The following RAPGEF1 variants were observed in gnomAD, a reference collection of about 807,000 sequenced individuals.
The protein encoded by RAPGEF1 is Rap guanine nucleotide exchange factor 1, also known as CRK SH3-binding GNRP.
RAPGEF1 carries 33 observed loss-of-function variants against 143.3 expected under a neutral mutation model. The ratio of observed to expected loss-of-function variants is 0.23; its 90% CI spans 0.17 to 0.31. The LOEUF is 0.31. Ranked by LOEUF, RAPGEF1 falls within the 10% of genes least tolerant of loss-of-function variation. The pLI is 1.00. For missense variants in RAPGEF1, 1,199 were observed against 1,645.4 expected, an observed-to-expected ratio of 0.73 and a Z score of 4.69; for synonymous variants, 629 against 676.5, an observed-to-expected ratio of 0.93 and a Z score of 1.09.
At chr9:131,725,244 C>T (rs1192924269) in intron 1 of RAPGEF1, 4 of 152,210 alleles carry the variant, frequency 2.6e-5, no homozygotes, top group African/African-American at 7.2e-5. Flanking sequence ...CTGATCAGCA[C>T]AGGAGTTTTG....
In RAPGEF1 at chr9:131,621,834, C is replaced by T. The variant is rs1321952000; in HGVS notation, c.1867G>A (p.Ala623Thr). Reference sequence around the variant, plus strand: ...TTGGGGGGTAGGGCGGGCGGCGGGGCCAGCTCCTGCACGGAGTCCACCCCA... The same window carrying T: ...TTGGGGGGTAGGGCGGGCGGCGGGGTCAGCTCCTGCACGGAGTCCACCCCA... Reference protein sequence around the residue: ...FSGVDSVQELAPPPALPPKQR... With the variant: ...FSGVDSVQELTPPPALPPKQR... Residue 623 changes from alanine to threonine, a missense_variant, in exon 11 of 27, where the codon GCC (alanine) becomes ACC (threonine). Around this residue, in one of 6 missense-constraint regions of RAPGEF1, gnomAD observed 293 missense variants for 356.2 expected, o/e 0.82. Transcript: ENST00000683357. This position sits in a 1 kb window ranked among gnomAD's most constrained non-coding sequence, Gnocchi z 4.5. 6 of 1,610,428 alleles carry T rather than the reference C, an allele frequency of 3.7e-6. No homozygotes were observed. The highest frequency in any genetic ancestry group is 5.1e-6 in the Non-Finnish European group (6 of 1,178,534).
chr9:131,671,397 C>T (rs978774510), intron 1 of RAPGEF1, among the ~76,000 whole-genome samples: 2 of 152,228 alleles, frequency 1.3e-5, no homozygotes, highest in African/African-American at 4.8e-5. Flanking sequence ...AATCAGAACA[C>T]ACCTTCCCCT....
At chr9:131,734,768 T>C (rs1035726614) in intron 1 of RAPGEF1, among the ~76,000 whole-genome samples, 5 of 152,228 alleles carry the variant, frequency 3.3e-5, no homozygotes, top group African/African-American at 4.8e-5. Flanking sequence ...AGAAAATATA[T>C]CATGACAAAA....
At chr9:131,637,240 AAAG>A (rs1431231724) in intron 5 of RAPGEF1, among the ~76,000 whole-genome samples, 1 of 152,006 alleles carries the variant, frequency 6.6e-6, no homozygotes, top group African/African-American at 2.4e-5. Flanking sequence ...AAAAAAAAAA[AAAG>A]GAGAACATGG....
Position 131,603,951 on chromosome 9 carries a change from G to C in RAPGEF1, c.2412+10C>G. ...AGGCCACATGCAGGAGGCCGCCCGA[G>C]GTTACTTACTCCTCGAGAGGGAGCC... On this transcript the variant is annotated intron_variant, in intron 14 of 26. Transcript: ENST00000683357. 7.6e-7 allele frequency: 1 copy of C among 1,312,540 alleles called. No individual in the cohort carries two copies. The highest frequency in any genetic ancestry group is 1.2e-5 in the South Asian group (1 of 82,046). 81.3% of individuals were successfully genotyped at this position (1,312,540 alleles called of 1,614,324 possible).
At chr9:131,595,157 G>C (rs930105017) in intron 17 of RAPGEF1, among the ~76,000 whole-genome samples, 4 of 152,244 alleles carry the variant, frequency 2.6e-5, no homozygotes, top group Non-Finnish European at 4.4e-5. Context: ...CGAGAAGCCC[G>C]GGGACTGCCC....
At chr9:131,683,320 A>G (rs1443586326) in intron 1 of RAPGEF1, among the ~76,000 whole-genome samples, 1 of 152,266 alleles carries the variant, frequency 6.6e-6, no homozygotes, top group Non-Finnish European at 1.5e-5. Context: ...TGGAGGCTTT[A>G]GAGAAATTAG....
intron 1 of RAPGEF1, among the ~76,000 whole-genome samples, chr9:131,684,947 G>A (rs1833215380): frequency 6.6e-6 from 1 of 152,220 alleles, no homozygotes; most frequent in Non-Finnish European, 1.5e-5. Context: ...CCCACCTGGG[G>A]ACAGATCAAG....
Position 131,650,214 on chromosome 9 carries a change from C to T in RAPGEF1, c.230G>A (p.Gly77Asp). ...KEATDRFLPE[G>D]YPLPLDLEQQ... ...CTCCAGATCCAAGGGGAGAGGGTAG[C>T]CCTCTGGTAGAAATCTGTCTGTTGC... Residue 77 changes from glycine to aspartate, a missense_variant, in exon 3 of 27, where the codon GGC becomes GAC. Gly to Asp is a moderately conservative substitution (Grantham distance 94). Transcript: ENST00000683357. The surrounding 1 kb of genome is among the most constrained non-coding windows in gnomAD (Gnocchi z 4.7). The T allele has an allele frequency of 6.2e-7, 1 of 1,613,734 alleles. No homozygotes were observed. The highest frequency in any genetic ancestry group is 8.5e-7 in the Non-Finnish European group (1 of 1,179,738).
At chr9:131,676,954 T>TA (rs1252186781) in intron 1 of RAPGEF1, among the ~76,000 whole-genome samples, 1 of 152,230 alleles carries the variant, frequency 6.6e-6, no homozygotes, top group Non-Finnish European at 1.5e-5. Flanking sequence ...CAATCTGTTT[T>TA]AACAAGCTCT....
intron 3 of RAPGEF1, among the ~76,000 whole-genome samples, chr9:131,649,665 G>C (rs1970589815): frequency 6.6e-6 from 1 of 152,190 alleles, no homozygotes; most frequent in Non-Finnish European, 1.5e-5. Flanking sequence ...AAATGTTAGG[G>C]ACACAGGTGT....
intron 1 of RAPGEF1, among the ~76,000 whole-genome samples, chr9:131,697,935 C>G (rs1834315670): frequency 1.3e-5 from 2 of 152,098 alleles, no homozygotes; most frequent in African/African-American, 4.8e-5. Flanking sequence ...TAAAGGCAGA[C>G]AGAGGAAGTC....
intron 16 of RAPGEF1, among the ~76,000 whole-genome samples, 181 bp downstream of exon 16, chr9:131,598,018 A>G (rs1269376012): frequency 6.6e-6 from 1 of 152,142 alleles, no homozygotes; most frequent in African/African-American, 2.4e-5. Context: ...GAGACAGCAC[A>G]CTTCCCCTGG....
chr9:131,605,094 GGA>G lies in RAPGEF1; in HGVS notation c.2154_2155del (p.Pro719ThrfsTer12). ...AGACTGGTGGGCAGGTGGGAAATGT[GGA>G]GAGGAAGAGGAGGTAGGCGGAAGGA... On this transcript the variant is annotated frameshift_variant, in exon 13 of 27. Transcript: ENST00000683357. LOFTEE classifies it high-confidence loss of function. The G allele has an allele frequency of 7.3e-7, 1 of 1,365,300 alleles. No individual in the cohort carries two copies. 84.6% of individuals were successfully genotyped at this position (1,365,300 alleles called of 1,614,324 possible).
intron 16 of RAPGEF1, among the ~76,000 whole-genome samples, chr9:131,597,507 C>A (rs1192527639): frequency 6.6e-6 from 1 of 152,174 alleles, no homozygotes; most frequent in African/African-American, 2.4e-5. Context: ...GTCATCAAAT[C>A]GAAGCCCCAA....
At chr9:131,711,935 A>G (rs973848704) in intron 1 of RAPGEF1, among the ~76,000 whole-genome samples, 1 of 152,190 alleles carries the variant, frequency 6.6e-6, no homozygotes, top group Non-Finnish European at 1.5e-5. Context: ...TTTCTGAAGG[A>G]AGGGGAAATA....
At chr9:131,605,604 G>A (rs1173573362) in intron 12 of RAPGEF1, among the ~76,000 whole-genome samples, 3 of 152,168 alleles carry the variant, frequency 2.0e-5, no homozygotes, top group Non-Finnish European at 4.4e-5. Flanking sequence ...TATTCCTTAA[G>A]AGTCAAACAC....
intron 1 of RAPGEF1, among the ~76,000 whole-genome samples, chr9:131,659,796 C>T (rs552667838): frequency 2.0e-5 from 3 of 151,840 alleles, no homozygotes; most frequent in Non-Finnish European, 2.9e-5. Flanking sequence ...CCAGTCTAGT[C>T]GAGCCAAAAG....
Position 131,641,540 on chromosome 9 carries a change from C to T in RAPGEF1, c.494+1699G>A, listed in dbSNP as rs917686223. On this transcript the variant is annotated intron_variant, in intron 4 of 26. Transcript: ENST00000683357. The surrounding 1 kb of genome is among the most constrained non-coding windows in gnomAD (Gnocchi z 4.6). ...CTCCAACACAGCTTCCTCCCTGTAC[C>T]GTAAAATAAGTGCTTTATCGTAGAA... Among the ~76,000 whole-genome samples the T allele has an allele frequency of 2.6e-5, 4 of 152,186 alleles. No individual in the cohort carries two copies. The highest frequency in any genetic ancestry group is 4.4e-5 in the Non-Finnish European group (3 of 68,034).
Sources: gnomAD v4.1 joint callset for allele counts (sites outside exome capture counted in the v4.1 genomes callset) on GRCh38, gnomAD v4.1.1 for gene constraint, gnomAD v4.1.1 regional missense constraint, Gnocchi (gnomAD v3.1) non-coding constraint, MANE v1.5 for transcripts, NCBI Gene and HGNC (gene_info 2026-07-23, HGNC 2026-07-21) for gene names.